LARGE1: variants seen among roughly 807,000 people sequenced by gnomAD.
LARGE1 encodes xylosyl- and glucuronyltransferase LARGE1.
LARGE1 carries 43 observed loss-of-function variants against 87.6 expected under a neutral mutation model. The ratio of observed to expected loss-of-function variants is 0.49; its 90% CI spans 0.38 to 0.63. The LOEUF is 0.63. LARGE1 is among the 30% of genes least tolerant of loss of function. The pLI is 0.00. For synonymous variants in LARGE1, 434 were observed against 394.6 expected, an observed-to-expected ratio of 1.10 and a Z score of -1.18; for missense variants, 802 against 1,000.2, an observed-to-expected ratio of 0.80 and a Z score of 2.67.
In LARGE1 at chr22:33,680,870, T is replaced by A. The variant is rs927437832; in HGVS notation, c.107-30202A>T. Among the ~76,000 whole-genome samples the A allele has an allele frequency of 2.0e-5, 3 of 152,034 alleles. No homozygotes were observed. The East Asian group carries it at 5.8e-4, about 29-fold the overall frequency. ...ATGTCATCTGCCTGTTATGCAGAAG[T>A]GAAATTGAAGTGCTCTTTGTGTTAA... On this transcript the variant is annotated intron_variant, in intron 2 of 14. Transcript: ENST00000397394.
chr22:33,415,956 C>T (rs2066472105), intron 7 of LARGE1, among the ~76,000 whole-genome samples: 1 of 152,214 alleles, frequency 6.6e-6, no homozygotes, highest in Non-Finnish European at 1.5e-5. Flanking sequence ...CCAGCCTCGA[C>T]ATGACAGGAG....
At chr22:33,210,288 G>T (rs1159332909) in intron 11 of LARGE1, among the ~76,000 whole-genome samples, 1 of 152,236 alleles carries the variant, frequency 6.6e-6, no homozygotes, top group Non-Finnish European at 1.5e-5. Context: ...CACAGAGCAT[G>T]GTCTGGCAGA....
At chr22:33,257,276 T>C (rs1472017416) in intron 11 of LARGE1, among the ~76,000 whole-genome samples, 1 of 152,142 alleles carries the variant, frequency 6.6e-6, no homozygotes, top group Non-Finnish European at 1.5e-5. Flanking sequence ...CTCATGCCTG[T>C]AATCCCAGCA....
chr22:33,384,304 C>T lies in LARGE1; in HGVS notation c.893G>A (p.Gly298Glu). ...WPALGRGYNT[G>E]VILLLLDKLR... ...CTTATCCAGAAGTAACAGGATCACCCCTGGGCAACAGCACAGGATAAAAGA... is the reference window on the plus strand; with the variant it reads ...CTTATCCAGAAGTAACAGGATCACCTCTGGGCAACAGCACAGGATAAAAGA... The change falls in exon 8 of 15, where the codon GGG (glycine) becomes GAG (glutamate). Residue 298 changes from glycine (G) to glutamate (E), a missense_variant and splice_region_variant. Physicochemically the swap from Gly to Glu is moderately conservative, Grantham distance 98 (BLOSUM62 -2). Coordinates refer to ENST00000397394, the MANE Select transcript of LARGE1 (RefSeq NM_133642.5). 6.2e-7 allele frequency: 1 copy of T among 1,608,958 alleles called. No homozygotes were observed. Among genetic ancestry groups the T allele is most frequent in the Non-Finnish European group, 8.5e-7 (1 of 1,175,588 alleles).
Position 33,337,769 on chromosome 22 carries a change from C to A in LARGE1, c.1164G>T (p.Arg388=). The A allele has an allele frequency of 6.2e-7, 1 of 1,614,180 alleles. No individual in the cohort carries two copies. The highest frequency in any genetic ancestry group is 8.5e-7 in the Non-Finnish European group (1 of 1,180,040). ...AAAACTCCACATGCTTGTTCTTCAC[C>A]CGGAGCTTCTTGGGGGAGTTCCAGT... ...VIHWNSPKKL[R]VKNKHVEFFR... Residue 388 remains arginine, a synonymous_variant, in exon 10 of 15, where the codon CGG becomes CGT. Transcript: ENST00000397394.
intron 3 of LARGE1, among the ~76,000 whole-genome samples, chr22:33,641,039 A>G (rs1426272949): frequency 6.6e-6 from 1 of 152,128 alleles, no homozygotes; most frequent in African/African-American, 2.4e-5. Context: ...AGAGCAGCCC[A>G]TCTCCCAGCA....
intron 6 of LARGE1, among the ~76,000 whole-genome samples, chr22:33,536,483 A>G (rs903125521): frequency 2.6e-5 from 4 of 152,268 alleles, no homozygotes; most frequent in Non-Finnish European, 5.9e-5. Flanking sequence ...GGAGAGAGTG[A>G]TAAACCAGAC....
intron 11 of LARGE1, among the ~76,000 whole-genome samples, chr22:33,233,102 C>T (rs541288861): frequency 2.6e-5 from 4 of 152,246 alleles, no homozygotes; most frequent in South Asian, 4.2e-4. Context: ...TGCTAAACCT[C>T]GTCAGGAGCT....
chr22:33,593,353 T>C (rs1451515653), intron 5 of LARGE1, among the ~76,000 whole-genome samples: 4 of 152,144 alleles, frequency 2.6e-5, no homozygotes, highest in Non-Finnish European at 4.4e-5. Flanking sequence ...TATTGGTGTA[T>C]ATTTTCTGAG....
At chr22:33,504,908 C>T (rs2070691820) in intron 6 of LARGE1, among the ~76,000 whole-genome samples, 1 of 152,210 alleles carries the variant, frequency 6.6e-6, no homozygotes, top group Non-Finnish European at 1.5e-5. Flanking sequence ...CGCAGGCAAG[C>T]ACTGTATTGC....
At chr22:33,183,653 C>CACACAG (rs1568963741) in intron 11 of LARGE1, among the ~76,000 whole-genome samples, 3 of 149,866 alleles carry the variant, frequency 2.0e-5, no homozygotes, top group Non-Finnish European at 4.5e-5. Flanking sequence ...CACACACACA[C>CACACAG]AGTATTTAGC....
chr22:33,161,158 T>G (rs530927270), downstream of LARGE1, among the ~76,000 whole-genome samples: 4 of 152,090 alleles, frequency 2.6e-5, no homozygotes, highest in Non-Finnish European at 5.9e-5. Context: ...TATAAAACCA[T>G]CAGATCTTGT....
chr22:33,167,051 A>C (rs1477775479), intron 11 of LARGE1, among the ~76,000 whole-genome samples: 2 of 152,222 alleles, frequency 1.3e-5, no homozygotes, highest in Non-Finnish European at 2.9e-5. Context: ...ATGTAATTCC[A>C]AAAGCAGTAA....
intron 11 of LARGE1, among the ~76,000 whole-genome samples, chr22:33,179,461 A>C (rs1001453755): frequency 1.6e-4 from 24 of 152,182 alleles, no homozygotes; most frequent in Non-Finnish European, 2.4e-4. Flanking sequence ...TGCTTTTATT[A>C]CATGAAAATT....
chr22:33,458,264 T>C (rs1422439520), intron 6 of LARGE1, among the ~76,000 whole-genome samples: 2 of 151,270 alleles, frequency 1.3e-5, no homozygotes, highest in South Asian at 2.1e-4. Context: ...GCCACCACGC[T>C]CGGCTAATTT....
intron 11 of LARGE1, among the ~76,000 whole-genome samples, chr22:33,199,584 A>AT (rs1924266116): frequency 6.6e-6 from 1 of 152,174 alleles, no homozygotes; most frequent in African/African-American, 2.4e-5. Context: ...ATGGCTATCC[A>AT]ATTTTCCCAG....
At chr22:33,076,080 C>T in the LARGE1 span, among the ~76,000 whole-genome samples, 1 of 152,126 alleles carries the variant, frequency 6.6e-6, no homozygotes, top group African/African-American at 2.4e-5. Flanking sequence ...GCAGTAGTAA[C>T]TTGAATCTAT....
chr22:33,631,047 G>T (rs1455764551), intron 3 of LARGE1, among the ~76,000 whole-genome samples: 2 of 151,868 alleles, frequency 1.3e-5, no homozygotes, highest in Non-Finnish European at 2.9e-5. Context: ...TAGAGACGGG[G>T]TTTCACCGTG....
At chr22:33,555,412 AAAATATG>A (rs1360967964) in intron 6 of LARGE1, among the ~76,000 whole-genome samples, 1 of 152,188 alleles carries the variant, frequency 6.6e-6, no homozygotes, top group Non-Finnish European at 1.5e-5. Context: ...CTTGAAAAAA[AAAATATG>A]AAAGAGCAGT....
Sources: gnomAD v4.1 joint callset for allele counts (sites outside exome capture counted in the v4.1 genomes callset) on GRCh38, gnomAD v4.1.1 for gene constraint, MANE v1.5 for transcripts, NCBI Gene and HGNC (gene_info 2026-07-23, HGNC 2026-07-21) for gene names.